Variants in GALNT13 observed in about 807,000 individuals in gnomAD.
GALNT13 encodes the protein polypeptide N-acetylgalactosaminyltransferase 13, also known as UDP-GalNAc:polypeptide N-acetylgalactosaminyltransferase 13.
Under a neutral mutation model 64.2 loss-of-function variants are expected in GALNT13, and 28 were observed. That is an observed-to-expected ratio of 0.44 (90% CI 0.32 to 0.60). The LOEUF is 0.60. GALNT13 is among the 20% of genes least tolerant of loss of function. The probability of loss-of-function intolerance (pLI) is 0.05; values close to 1 mark genes in which losing one functional copy is unlikely to be tolerated. For missense variants in GALNT13, 577 were observed against 669.8 expected (o/e 0.86, Z 1.53); for synonymous variants, 214 against 224.6 (o/e 0.95, Z 0.42).
the GALNT13 span, among the ~76,000 whole-genome samples, chr2:153,685,415 A>C: frequency 6.6e-6 from 1 of 152,078 alleles, no homozygotes; most frequent in African/African-American, 2.4e-5. Context: ...TCTAATGATC[A>C]GTGAAGTTGA....
the GALNT13 span, among the ~76,000 whole-genome samples, chr2:153,107,782 G>C: frequency 1.3e-5 from 2 of 152,122 alleles, no homozygotes; most frequent in Non-Finnish European, 2.9e-5. Context: ...TGGGTGGAGA[G>C]AAATAGCTCC....
the GALNT13 span, among the ~76,000 whole-genome samples, chr2:153,569,507 C>A: frequency 8.6e-6 from 1 of 115,920 alleles, no homozygotes; most frequent in African/African-American, 3.1e-5. Context: ...TCTGGGTTTC[C>A]TTTTTATTCT....
intron 3 of GALNT13, among the ~76,000 whole-genome samples, chr2:154,128,514 A>C (rs530103522): frequency 2.6e-5 from 4 of 152,158 alleles, no homozygotes; most frequent in Non-Finnish European, 5.9e-5. Context: ...CGCAAAACCC[A>C]GTGTAAATTA....
the GALNT13 span, among the ~76,000 whole-genome samples, chr2:153,861,559 C>CTTTTTTTTTTTTTTTT: frequency 1.4e-4 from 16 of 118,204 alleles, no homozygotes; most frequent in African/African-American, 4.3e-4. Flanking sequence ...TTCTTTCTTT[C>CTTTTTTTTTTTTTTTT]TTTTTTTTTT....
intron 7 of GALNT13, among the ~76,000 whole-genome samples, chr2:154,246,970 G>A (rs183762087): frequency 1.9e-4 from 29 of 152,042 alleles, no homozygotes; most frequent in Admixed American, 1.6e-3. Flanking sequence ...TCCATGATCT[G>A]AACAAGAATG....
the GALNT13 span, among the ~76,000 whole-genome samples, chr2:153,189,758 A>T: frequency 6.6e-6 from 1 of 152,128 alleles, no homozygotes; most frequent in Non-Finnish European, 1.5e-5. Flanking sequence ...CTTTGCTAGC[A>T]TCTGTTACTT....
At chr2:154,110,760 A>G (rs147149293) in intron 3 of GALNT13, among the ~76,000 whole-genome samples, 10,921 of 151,962 alleles carry the variant, frequency 0.072, 476 homozygotes, top group Middle Eastern at 0.14. Context: ...GCATCCTTCA[A>G]TCCAATCAAG....
At chr2:154,165,336 CT>C (rs1016373195) in intron 4 of GALNT13, among the ~76,000 whole-genome samples, 6 of 151,986 alleles carry the variant, frequency 3.9e-5, no homozygotes, top group African/African-American at 1.4e-4. Context: ...GAGGAAAGTC[CT>C]TTCTGTTTAA....
At chr2:153,460,772 G>A in the GALNT13 span, among the ~76,000 whole-genome samples, 1 of 152,068 alleles carries the variant, frequency 6.6e-6, no homozygotes, top group African/African-American at 2.4e-5. Context: ...AATCAGAGTG[G>A]ACATGGATTG....
At chr2:154,144,750 C>T (rs1683466776) in intron 4 of GALNT13, among the ~76,000 whole-genome samples, 1 of 151,910 alleles carries the variant, frequency 6.6e-6, no homozygotes, top group Admixed American at 6.6e-5. Context: ...ACACAGAGAA[C>T]AGACTAGGTA....
At chr2:154,091,418 A>T (rs113833807) in intron 3 of GALNT13, among the ~76,000 whole-genome samples, 1,922 of 152,044 alleles carry the variant, frequency 0.013, 38 homozygotes, top group African/African-American at 0.044. Flanking sequence ...ATGGCTAAAA[A>T]CTCAAGACTC....
At position 154,154,206 on chromosome 2, in the gene GALNT13, A is replaced by G. The variant is rs181702867; in HGVS notation, c.311+13701A>G. On this transcript the variant is annotated intron_variant, in intron 4 of 12. Transcript: ENST00000392825. ...TTAGAGTTCACAGCAATTAAATCTG[A>G]TAGTTTTTTCCAAAAAAATAAGAAA... is the stretch of plus-strand genomic sequence containing the variant. 2.6e-5 allele frequency among the ~76,000 whole-genome samples: 4 copies of G among 152,328 alleles called. No homozygotes were observed. In the East Asian group the frequency reaches 7.7e-4, roughly 29 times the overall value.
chr2:153,071,587 A>G, the GALNT13 span, among the ~76,000 whole-genome samples: 3 of 152,350 alleles, frequency 2.0e-5, no homozygotes, highest in Admixed American at 1.3e-4. Flanking sequence ...ATTATTAAAC[A>G]GGGGCCAGAG....
chr2:153,197,806 G>A, the GALNT13 span, among the ~76,000 whole-genome samples: 1 of 152,174 alleles, frequency 6.6e-6, no homozygotes. Context: ...CACGTGCTTC[G>A]GTCCCAGGCA....
chr2:153,095,388 A>G, the GALNT13 span, among the ~76,000 whole-genome samples: 50,560 of 151,834 alleles, frequency 0.33, 9,276 homozygotes, highest in Non-Finnish European at 0.44. Flanking sequence ...GTCAGGAAAC[A>G]ACAAGTGCTG....
chr2:154,093,287 A>C (rs1701908024), intron 3 of GALNT13, among the ~76,000 whole-genome samples: 1 of 152,076 alleles, frequency 6.6e-6, no homozygotes, highest in African/African-American at 2.4e-5. Flanking sequence ...ATCTATAACT[A>C]GAATGCCAAT....
At chr2:153,604,984 T>C in the GALNT13 span, among the ~76,000 whole-genome samples, 3 of 152,002 alleles carry the variant, frequency 2.0e-5, no homozygotes, top group African/African-American at 7.2e-5. Flanking sequence ...AATGACTTTT[T>C]TGGGATCATG....
chr2:154,206,045 G>A (rs1217859908), intron 4 of GALNT13, among the ~76,000 whole-genome samples: 2 of 151,740 alleles, frequency 1.3e-5, no homozygotes, highest in African/African-American at 4.8e-5. Flanking sequence ...TCACCCAGGT[G>A]GGAGTGCAGT....
the GALNT13 span, among the ~76,000 whole-genome samples, chr2:153,384,242 T>C: frequency 6.6e-6 from 1 of 152,032 alleles, no homozygotes; most frequent in Non-Finnish European, 1.5e-5. Flanking sequence ...AGGTGGGTGA[T>C]TAATTACCAT....
Sources: allele counts gnomAD v4.1 joint callset (sites outside exome capture counted in the v4.1 genomes callset), GRCh38; gene constraint gnomAD v4.1.1; transcripts MANE v1.5; gene names NCBI Gene and HGNC (gene_info 2026-07-23, HGNC 2026-07-21).